The following BRWD1 variants were observed in gnomAD, a reference collection of about 807,000 sequenced individuals.
BRWD1 encodes bromodomain and WD repeat domain containing 1.
In BRWD1, 82 loss-of-function variants were observed where a neutral mutation model predicts 251.2. The observed-to-expected ratio is 0.33, with a 90% confidence interval of 0.27 to 0.39. The LOEUF (loss-of-function observed/expected upper bound fraction) is 0.39. Among genes scored for constraint, BRWD1 ranks in the 10% least tolerant of loss-of-function variants. The pLI is 1.00. For missense variants in BRWD1, 2,233 were observed against 2,711.6 expected (o/e 0.82, Z 3.92); for synonymous variants, 918 against 902.8 (o/e 1.02, Z -0.30).
intron 21 of BRWD1, among the ~76,000 whole-genome samples, chr21:39,245,047 CA>C (rs975336644): frequency 1.4e-4 from 20 of 143,448 alleles, no homozygotes; most frequent in East Asian, 2.0e-4. Context: ...GACCCCATCT[CA>C]AAAAAAAAAG....
At position 39,313,589 on chromosome 21, in the gene BRWD1, G is replaced by GCGC. The variant is rs75090981; in HGVS notation, c.-101_-99dup. 0.3 allele frequency: 192,316 copies of GCGC among 646,980 alleles called. 27,659 individuals are homozygous for GCGC. The highest frequency in any genetic ancestry group is 0.41 in the Admixed American group (8,611 of 21,154). 40.1% of individuals were successfully genotyped at this position (646,980 alleles called of 1,614,324 possible). On this transcript the variant is annotated 5_prime_UTR_variant, in exon 1 of 41. Transcript: ENST00000342449. ...GCTGGCGTCCCCTCTTCTCAGGCGC[G>GCGC]CGCCGCCGCCGCCGCCGCCGCCGCC...
chr21:39,314,244 C>G (rs1232578360), upstream of BRWD1: 1 of 455,506 alleles, frequency 2.2e-6, no homozygotes, highest in East Asian at 7.0e-5. Flanking sequence ...GCCTCGTATG[C>G]TGGCGTTGCC....
At chr21:39,269,820 A>G in intron 15 of BRWD1, 79 bp downstream of exon 15, 1 of 1,249,866 alleles carries the variant, frequency 8.0e-7, no homozygotes, top group Non-Finnish European at 1.0e-6. Flanking sequence ...AAGCAGATCA[A>G]TTTCTGGCTA....
At chr21:39,252,902 C>T (rs2034442764) in intron 19 of BRWD1, among the ~76,000 whole-genome samples, 1 of 152,186 alleles carries the variant, frequency 6.6e-6, no homozygotes, top group Non-Finnish European at 1.5e-5. Flanking sequence ...GAACATCTTT[C>T]TTCTTTTCTT....
intron 18 of BRWD1, 31 bp from the exon 19 acceptor site, chr21:39,255,859 A>G (rs1601397487): frequency 6.3e-7 from 1 of 1,591,436 alleles, no homozygotes; most frequent in Non-Finnish European, 8.6e-7. Flanking sequence ...AGTGATTCCA[A>G]TACACTTTTA....
intron 4 of BRWD1, among the ~76,000 whole-genome samples, chr21:39,309,597 G>C (rs1487971530): frequency 6.6e-6 from 1 of 151,932 alleles, no homozygotes; most frequent in Non-Finnish European, 1.5e-5. Flanking sequence ...GGCAGAGGCA[G>C]GCGGATCATG....
At chr21:39,312,005 C>T (rs1226630377) in intron 4 of BRWD1, among the ~76,000 whole-genome samples, 1 of 152,138 alleles carries the variant, frequency 6.6e-6, no homozygotes, top group Non-Finnish European at 1.5e-5. Flanking sequence ...TGAATATGGC[C>T]TGGCAATTAA....
intron 15 of BRWD1, 46 bp from the exon 16 acceptor site, chr21:39,265,065 T>C: frequency 6.3e-7 from 1 of 1,577,860 alleles, no homozygotes. Context: ...TCTATGCAAG[T>C]GATTTGCTAT....
chr21:39,285,004 T>G (rs963611919), intron 8 of BRWD1, among the ~76,000 whole-genome samples: 5 of 152,184 alleles, frequency 3.3e-5, no homozygotes, highest in African/African-American at 1.2e-4. Flanking sequence ...ATCAGTATAT[T>G]GAAGAGATAA....
Position 39,199,171 on chromosome 21 carries a change from T to C in BRWD1, c.5245A>G (p.Lys1749Glu), listed in dbSNP as rs573424793. 3.6e-5 allele frequency: 58 copies of C among 1,614,158 alleles called. 1 individual carries two copies. The South Asian group carries it at 5.7e-4, about 16-fold the overall frequency. The change falls in exon 40 of 41, where the codon AAA (lysine) becomes GAA (glutamate). Residue 1749 changes from lysine to glutamate, a missense_variant. Physicochemically the swap from Lys to Glu is moderately conservative, Grantham distance 56 (BLOSUM62 1). Around this residue, in one of 12 missense-constraint regions of BRWD1, gnomAD observed 928 missense variants for 970.0 expected, o/e 0.96. Transcript: ENST00000342449. ...TCAGAAGACTCTATTTTAAGAAATT[T>C]TGTCTTTGAAGGTGCTGGAGTATGG... ...KSHTPAPSKT[K>E]FLKIESSEED...
At chr21:39,309,465 G>T (rs1000281183) in intron 4 of BRWD1, among the ~76,000 whole-genome samples, 1 of 152,060 alleles carries the variant, frequency 6.6e-6, no homozygotes, top group Non-Finnish European at 1.5e-5. Flanking sequence ...GTGGGGCGGG[G>T]AGAGAATCAA....
At position 39,255,628 on chromosome 21, in the gene BRWD1, G is replaced by T; in HGVS notation, c.2255+17C>A. On this transcript the variant is annotated intron_variant, in intron 19 of 40. Transcript: ENST00000342449. The stretch of plus-strand genomic sequence containing the variant: ...TTCACAGATAGAAACATTATAAATA[G>T]ATATCCTAAAACAAACCTAAATATG... 1.3e-6 allele frequency: 2 copies of T among 1,592,696 alleles called. No individual in the cohort carries two copies. Among genetic ancestry groups the T allele is most frequent in the African/African-American group, 2.7e-5 (2 of 74,458 alleles).
At chr21:39,207,724 G>A (rs1228657995) in intron 36 of BRWD1, among the ~76,000 whole-genome samples, 2 of 152,124 alleles carry the variant, frequency 1.3e-5, no homozygotes, top group East Asian at 3.9e-4. Context: ...AGCATTACTC[G>A]TAATGGTCAA....
In BRWD1 at chr21:39,191,970, T is replaced by C. The variant is rs2031576764; in HGVS notation, c.*4289A>G. ...GAAACAGATGTATAGTCTAATTATT[T>C]ACATGTTGCCAAAGATAGAGCCTGC... On this transcript the variant is annotated 3_prime_UTR_variant, in exon 41 of 41. Transcript: ENST00000342449. 1 of 985,276 alleles carries C rather than the reference T, an allele frequency of 1.0e-6. No homozygotes were observed. Among genetic ancestry groups the C allele is most frequent in the Non-Finnish European group, 1.2e-6 (1 of 829,802 alleles). The allele number at this position is 985,276 out of a possible 1,614,324, so 61.0% of individuals were successfully genotyped here. A position where few individuals can be genotyped will look rare whatever the true frequency, so the allele number is the denominator to read the frequency against.
intron 29 of BRWD1, among the ~76,000 whole-genome samples, chr21:39,222,367 TAAATGCCATTCTCCAATC>T (rs752480080): frequency 2.6e-5 from 4 of 152,340 alleles, no homozygotes; most frequent in Non-Finnish European, 5.9e-5. Flanking sequence ...TCTTGGTTTC[TAAATGCCATTCTCCAATC>T]AAACAGGCCA....
At chr21:39,241,309 C>T (rs2033983684) in intron 21 of BRWD1, among the ~76,000 whole-genome samples, 1 of 149,506 alleles carries the variant, frequency 6.7e-6, no homozygotes, top group Non-Finnish European at 1.5e-5. Flanking sequence ...CTACCAAAAA[C>T]ATAAAAAAAT....
chr21:39,245,700 A>C (rs560897898), intron 21 of BRWD1, among the ~76,000 whole-genome samples: 34 of 151,694 alleles, frequency 2.2e-4, no homozygotes, highest in Middle Eastern at 6.8e-3. Flanking sequence ...CCCGGGTTCA[A>C]GCTATTCTCC....
chr21:39,282,644 G>A (rs1446415112), intron 8 of BRWD1, among the ~76,000 whole-genome samples: 4 of 151,786 alleles, frequency 2.6e-5, no homozygotes, highest in African/African-American at 7.3e-5. Context: ...AGTAAAACTC[G>A]CAACCTTGCA....
intron 13 of BRWD1, among the ~76,000 whole-genome samples, chr21:39,272,819 C>T (rs1442455872): frequency 1.3e-5 from 2 of 151,976 alleles, no homozygotes. Flanking sequence ...ACCATGTTGG[C>T]CAGGCTAGTC....
Sources: allele counts gnomAD v4.1 joint callset (sites outside exome capture counted in the v4.1 genomes callset), GRCh38; gene constraint gnomAD v4.1.1; regional missense constraint gnomAD v4.1.1; transcripts MANE v1.5; gene names NCBI Gene and HGNC (gene_info 2026-07-23, HGNC 2026-07-21).